The following FXYD5 variants were observed in gnomAD, a reference collection of about 807,000 sequenced individuals.
The protein encoded by FXYD5 is FXYD domain-containing ion transport regulator 5.
FXYD5 carries 21 observed loss-of-function variants against 25.7 expected under a neutral mutation model. The observed-to-expected ratio is 0.82, with a 90% confidence interval of 0.58 to 1.18. The LOEUF (loss-of-function observed/expected upper bound fraction) is 1.18, where lower values mean the gene tolerates loss of function less well. Among genes scored for constraint, FXYD5 ranks in the 50% most tolerant of loss-of-function variants. The pLI is 0.00. For missense variants in FXYD5, 229 were observed against 227.7 expected, an observed-to-expected ratio of 1.01 and a Z score of -0.04; for synonymous variants, 101 against 90.7, an observed-to-expected ratio of 1.11 and a Z score of -0.64.
intron 2 of FXYD5, 110 bp downstream of exon 2, chr19:35,155,721 A>C (rs148074921): frequency 2.5e-6 from 2 of 804,618 alleles, no homozygotes; most frequent in East Asian, 2.5e-5. Flanking sequence ...CTGCCCTGTC[A>C]CCCTCCCGCT....
At chr19:35,156,324 C>T (rs767505247) in intron 2 of FXYD5, among the ~76,000 whole-genome samples, 10 of 152,182 alleles carry the variant, frequency 6.6e-5, no homozygotes, top group East Asian at 1.9e-4. Flanking sequence ...TTCATATACT[C>T]GTTCAGTCAT....
chr19:35,166,381 G>T (rs75807286), intron 8 of FXYD5, 56 bp downstream of exon 8: 55,387 of 1,156,508 alleles, frequency 0.048, 1,523 homozygotes, highest in East Asian at 0.06. Context: ...GACTTATGAC[G>T]GAGGGCTGGG....
intron 4 of FXYD5, chr19:35,159,377 G>T: frequency 2.4e-6 from 3 of 1,263,832 alleles, no homozygotes; most frequent in Admixed American, 2.7e-5. Flanking sequence ...TGTGTGCTGT[G>T]TTTGTGTGAG....
At position 35,169,695 on chromosome 19, in the gene FXYD5, T is replaced by C; in HGVS notation, c.*80T>C. On this transcript the variant is annotated 3_prime_UTR_variant, in exon 9 of 9. Coordinates refer to ENST00000392219, the MANE Select transcript of FXYD5 (RefSeq NM_014164.6). ...TGCCAGCTCACCGTGCCCAGCCTCC[T>C]GCATCCCCTCGAAGAGCCTGGCCAG... 2 of 897,952 alleles carry C rather than the reference T, an allele frequency of 2.2e-6. No homozygotes were observed. The highest frequency in any genetic ancestry group is 2.7e-5 in the South Asian group (2 of 74,460). 55.6% of individuals were successfully genotyped at this position (897,952 alleles called of 1,614,324 possible).
In FXYD5 at chr19:35,169,690, C is replaced by T. The variant is rs953931465; in HGVS notation, c.*75C>T. The T allele has an allele frequency of 6.1e-5, 55 of 906,998 alleles. No individual in the cohort carries two copies. The highest frequency in any genetic ancestry group is 2.5e-4 in the Middle Eastern group (1 of 3,956). 56.2% of individuals were successfully genotyped at this position (906,998 alleles called of 1,614,324 possible). ...CCCCCTGCCAGCTCACCGTGCCCAG[C>T]CTCCTGCATCCCCTCGAAGAGCCTG... On this transcript the variant is annotated 3_prime_UTR_variant, in exon 9 of 9. Coordinates refer to ENST00000392219, the MANE Select transcript of FXYD5 (RefSeq NM_014164.6).
At chr19:35,158,743 C>T (rs1313919462) in intron 4 of FXYD5, among the ~76,000 whole-genome samples, 1 of 152,166 alleles carries the variant, frequency 6.6e-6, no homozygotes, top group Non-Finnish European at 1.5e-5. Context: ...GTGCCAGTCC[C>T]ATTTATTTCT....
intron 6 of FXYD5, among the ~76,000 whole-genome samples, chr19:35,164,781 G>T (rs969283069): frequency 6.6e-6 from 1 of 152,232 alleles, no homozygotes; most frequent in Admixed American, 6.5e-5. Context: ...CTAGGGGACA[G>T]AGATAGAGTG....
chr19:35,166,954 G>A (rs1328142845), intron 8 of FXYD5, among the ~76,000 whole-genome samples: 1 of 152,194 alleles, frequency 6.6e-6, no homozygotes, highest in Non-Finnish European at 1.5e-5. Context: ...CAGGGAACAA[G>A]GGCTGAAAAA....
At chr19:35,164,059 G>A (rs762660499) in intron 5 of FXYD5, 97 bp from the exon 6 acceptor site, 1 of 1,589,976 alleles carries the variant, frequency 6.3e-7, no homozygotes, top group South Asian at 1.1e-5. Flanking sequence ...GTAGATGTGG[G>A]AGAGGGGTTT....
At chr19:35,164,023 G>T (rs375293473) in intron 5 of FXYD5, 133 bp from the exon 6 acceptor site, 2 of 1,536,570 alleles carry the variant, frequency 1.3e-6, no homozygotes, top group Non-Finnish European at 1.8e-6. Flanking sequence ...GAGTAGGGGG[G>T]ATGCCTGACC....
intron 8 of FXYD5, among the ~76,000 whole-genome samples, chr19:35,167,715 G>C (rs903733531): frequency 1.3e-5 from 2 of 152,156 alleles, no homozygotes; most frequent in African/African-American, 4.8e-5. Flanking sequence ...CTTAAGGGGA[G>C]AGGCAGAATT....
At chr19:35,156,462 G>A (rs1394291296) in intron 2 of FXYD5, among the ~76,000 whole-genome samples, 1 of 152,220 alleles carries the variant, frequency 6.6e-6, no homozygotes, top group Non-Finnish European at 1.5e-5. Context: ...TCGTGTGCTA[G>A]GAGGTGATAC....
intron 4 of FXYD5, among the ~76,000 whole-genome samples, chr19:35,158,713 C>T (rs1445256802): frequency 1.3e-5 from 2 of 152,212 alleles, no homozygotes; most frequent in Non-Finnish European, 2.9e-5. Flanking sequence ...ACTTTGCAAA[C>T]ACCCCCAGAA....
At chr19:35,160,650 T>G (rs2065396443) in intron 4 of FXYD5, 59 bp from the exon 5 acceptor site, 1 of 1,222,978 alleles carries the variant, frequency 8.2e-7, no homozygotes, top group Non-Finnish European at 1.2e-6. Flanking sequence ...CCGGCCCCAA[T>G]TCTCTTTCCC....
chr19:35,164,297 T>C, intron 6 of FXYD5, 52 bp downstream of exon 6: 1 of 1,543,472 alleles, frequency 6.5e-7, no homozygotes, highest in Non-Finnish European at 8.8e-7. Flanking sequence ...GTTCACTGTG[T>C]ATTTCCAGCA....
Position 35,169,839 on chromosome 19 carries a change from A to C in FXYD5, c.*224A>C. The C allele has an allele frequency of 1.7e-6, 1 of 572,374 alleles. No individual in the cohort carries two copies. The highest frequency in any genetic ancestry group is 2.0e-5 in the South Asian group (1 of 49,050). 35.5% of individuals were successfully genotyped at this position (572,374 alleles called of 1,614,324 possible). A position where few individuals can be genotyped will look rare whatever the true frequency, so the allele number is the denominator to read the frequency against. On this transcript the variant is annotated 3_prime_UTR_variant, in exon 9 of 9. Transcript: ENST00000392219. ...CGCCTTGGGGGCTGTCCCTCAAGTTATCTCCTCTGCTAAGACAAAAAGTAA... is the reference window on the plus strand; with the variant it reads ...CGCCTTGGGGGCTGTCCCTCAAGTTCTCTCCTCTGCTAAGACAAAAAGTAA...
In FXYD5 at chr19:35,169,557, C is replaced by T; in HGVS notation, c.488-9C>T. ...TAGCTCGTGACTGAATCATTTCCTT[C>T]ACCCACAGGTGGCAAGTGCAGGCAG... On this transcript the variant is annotated splice_polypyrimidine_tract_variant and intron_variant, in intron 8 of 8. Transcript: ENST00000392219. 5 of 1,599,872 alleles carry T rather than the reference C, an allele frequency of 3.1e-6. No homozygotes were observed. The highest frequency in any genetic ancestry group is 2.2e-5 in the South Asian group (2 of 90,846).
chr19:35,159,817 A>C (rs1253484938), intron 4 of FXYD5: 5 of 736,922 alleles, frequency 6.8e-6, no homozygotes, highest in Non-Finnish European at 1.0e-5. Flanking sequence ...TCAGGGACGC[A>C]GCTGGAATCG....
At chr19:35,168,577 C>T (rs1288362011) in intron 8 of FXYD5, among the ~76,000 whole-genome samples, 2 of 152,210 alleles carry the variant, frequency 1.3e-5, no homozygotes, top group East Asian at 3.9e-4. Flanking sequence ...CTGGAGGAGG[C>T]AAGGGTGGCA....
Sources: gnomAD v4.1 joint callset for allele counts (sites outside exome capture counted in the v4.1 genomes callset) on GRCh38, gnomAD v4.1.1 for gene constraint, MANE v1.5 for transcripts, NCBI Gene and HGNC (gene_info 2026-07-23, HGNC 2026-07-21) for gene names.